Variants in DMD observed in about 807,000 individuals in gnomAD.
The protein encoded by DMD is dystrophin.
In DMD, 63 loss-of-function variants were observed where a neutral mutation model predicts 330.1. The ratio of observed to expected loss-of-function variants is 0.19; its 90% CI spans 0.16 to 0.24. The LOEUF (loss-of-function observed/expected upper bound fraction) is 0.24, where lower values mean the gene tolerates loss of function less well. Ranked by LOEUF, DMD falls within the 10% of genes least tolerant of loss-of-function variation. DMD has a pLI of 1.00. For missense variants in DMD, 3,344 were observed against 2,684.1 expected (o/e 1.25, Z -5.43); for synonymous variants, 1,223 against 959.8 (o/e 1.27, Z -5.07).
At chrX:32,500,106 C>G (rs1331640453) in intron 19 of DMD, among the ~76,000 whole-genome samples, 2 of 110,672 alleles carry the variant, frequency 1.8e-5, no homozygotes, top group Non-Finnish European at 3.8e-5. Context: ...ACACAGTCAA[C>G]CAAACAGGAA....
intron 44 of DMD, among the ~76,000 whole-genome samples, chrX:32,169,809 A>G (rs1394879521): frequency 9.0e-6 from 1 of 110,721 alleles, no homozygotes; most frequent in African/African-American, 3.3e-5. Flanking sequence ...CTAATTGAAG[A>G]GTGTTGTGAC....
At chrX:32,552,700 T>A (rs1471139663) in intron 16 of DMD, among the ~76,000 whole-genome samples, 1 of 112,167 alleles carries the variant, frequency 8.9e-6, no homozygotes, top group Admixed American at 9.5e-5. Context: ...ATCTGGAATC[T>A]ACAAGGAACT....
chrX:32,201,469 ACC>A (rs746153568), intron 44 of DMD, among the ~76,000 whole-genome samples: 1,238 of 48,362 alleles, frequency 0.026, 12 homozygotes, highest in East Asian at 0.12. Context: ...AAATTCAAAC[ACC>A]CCCCCCCCCC....
chrX:32,187,979 A>G (rs2096955167), intron 44 of DMD, among the ~76,000 whole-genome samples: 1 of 111,343 alleles, frequency 9.0e-6, no homozygotes, highest in African/African-American at 3.2e-5. Flanking sequence ...ACATTATAAT[A>G]ATATACCTTT....
chrX:31,363,335 T>A (rs2059040144), intron 60 of DMD, among the ~76,000 whole-genome samples: 1 of 108,669 alleles, frequency 9.2e-6, no homozygotes, highest in Non-Finnish European at 1.9e-5. Context: ...CAACAAAAGG[T>A]TTCCGTGGCC....
chrX:33,202,024 T>C (rs753567292), intron 1 of DMD, among the ~76,000 whole-genome samples: 2 of 112,399 alleles, frequency 1.8e-5, no homozygotes, highest in Admixed American at 9.5e-5. Flanking sequence ...GACAGCTCCC[T>C]ATGCAAGTCT....
At chrX:33,015,746 C>T (rs1363002027) in intron 2 of DMD, among the ~76,000 whole-genome samples, 11 of 111,706 alleles carry the variant, frequency 9.8e-5, no homozygotes, top group Non-Finnish European at 1.9e-4. Context: ...ATCATGCTGG[C>T]TAAAAGGTAA....
At chrX:32,979,240 T>C (rs2092637908) in intron 2 of DMD, among the ~76,000 whole-genome samples, 1 of 112,318 alleles carries the variant, frequency 8.9e-6, no homozygotes, top group Admixed American at 9.5e-5. Context: ...AATCAGATGA[T>C]GGATGTACAA....
chrX:31,632,255 G>A, intron 54 of DMD, among the ~76,000 whole-genome samples: 1 of 111,368 alleles, frequency 9.0e-6, no homozygotes, highest in Middle Eastern at 4.6e-3. Flanking sequence ...TGCTTTCCGG[G>A]GTAAGCCTAA....
At chrX:31,529,741 G>A (rs2073565372) in intron 55 of DMD, among the ~76,000 whole-genome samples, 1 of 111,694 alleles carries the variant, frequency 9.0e-6, no homozygotes, top group Non-Finnish European at 1.9e-5. Flanking sequence ...AAACACCTTC[G>A]GTTCTGTTTG....
intron 11 of DMD, among the ~76,000 whole-genome samples, chrX:32,639,018 C>A (rs2059276662): frequency 9.0e-6 from 1 of 111,490 alleles, no homozygotes; most frequent in Non-Finnish European, 1.9e-5. Context: ...CTATTCATAT[C>A]TCTCCTCCTG....
intron 2 of DMD, among the ~76,000 whole-genome samples, chrX:33,010,321 TA>T (rs2093674893): frequency 9.4e-6 from 1 of 106,401 alleles, no homozygotes; most frequent in Admixed American, 1.0e-4. Flanking sequence ...TATATGTGTA[TA>T]AATATGTATA....
chrX:31,199,052 A>T lies in DMD; in HGVS notation c.9807+4909T>A, dbSNP rs144584955. ...ACATGATGTAAATTGCACGATGTAG[A>T]CTAGATTCATTGTGCCACTGTGGGC... On this transcript the variant is annotated intron_variant, in intron 67 of 78. Coordinates refer to ENST00000357033, the MANE Select transcript of DMD (RefSeq NM_004006.3). 1.8e-4 allele frequency among the ~76,000 whole-genome samples: 20 copies of T among 112,054 alleles called. No individual in the cohort carries two copies. In the East Asian group the frequency reaches 5.3e-3, roughly 30 times the overall value.
At chrX:33,121,364 G>A (rs2095423964) in intron 1 of DMD, among the ~76,000 whole-genome samples, 1 of 109,832 alleles carries the variant, frequency 9.1e-6, no homozygotes, top group Non-Finnish European at 1.9e-5. Context: ...CCTAGTAGCT[G>A]GGACTACAGG....
At chrX:32,901,492 T>G (rs910497497) in intron 2 of DMD, among the ~76,000 whole-genome samples, 1 of 109,054 alleles carries the variant, frequency 9.2e-6, no homozygotes, top group Non-Finnish European at 1.9e-5. Context: ...CATACCCAGT[T>G]TTTTGAAACA....
intron 30 of DMD, among the ~76,000 whole-genome samples, chrX:32,410,325 A>G (rs1428557398): frequency 9.0e-6 from 1 of 111,656 alleles, no homozygotes; most frequent in African/African-American, 3.3e-5. Context: ...TATGCACTCC[A>G]TAAGGAAATA....
intron 63 of DMD, among the ~76,000 whole-genome samples, chrX:31,260,635 C>T (rs181664725): frequency 1.4e-3 from 150 of 108,882 alleles, no homozygotes; most frequent in Middle Eastern, 4.6e-3. Flanking sequence ...TTTCTATCTT[C>T]GTGGGAAGAA....
intron 9 of DMD, among the ~76,000 whole-genome samples, chrX:32,687,792 T>A (rs1177790405): frequency 2.7e-5 from 3 of 110,939 alleles, no homozygotes; most frequent in African/African-American, 9.8e-5. Flanking sequence ...AGTTTTGAGT[T>A]GATTTGCTAT....
intron 56 of DMD, among the ~76,000 whole-genome samples, chrX:31,498,602 C>T (rs1185030156): frequency 4.5e-5 from 5 of 112,044 alleles, no homozygotes; most frequent in Non-Finnish European, 7.5e-5. Flanking sequence ...TTTGTATGCA[C>T]ATGCTTGACT....
Sources: gnomAD v4.1 joint callset for allele counts (sites outside exome capture counted in the v4.1 genomes callset) on GRCh38, gnomAD v4.1.1 for gene constraint, MANE v1.5 for transcripts, NCBI Gene and HGNC (gene_info 2026-07-23, HGNC 2026-07-21) for gene names.